The following TNRC18 variants were observed in gnomAD, a reference collection of about 807,000 sequenced individuals.
The protein encoded by TNRC18 is trinucleotide repeat-containing gene 18 protein.
In TNRC18, 69 loss-of-function variants were observed where a neutral mutation model predicts 226.7. The observed-to-expected ratio is 0.30, with a 90% confidence interval of 0.25 to 0.37. The LOEUF is 0.37. Ranked by LOEUF, TNRC18 falls within the 10% of genes least tolerant of loss-of-function variation. The probability of loss-of-function intolerance (pLI) is 1.00; values close to 1 mark genes in which losing one functional copy is unlikely to be tolerated. For missense variants in TNRC18, 4,754 were observed against 4,256.6 expected (o/e 1.12, Z -3.25); for synonymous variants, 2,449 against 1,927.6 (o/e 1.27, Z -7.09).
Position 5,320,434 on chromosome 7 carries a change from G to A in TNRC18, c.6637-8C>T, listed in dbSNP as rs756037628. 4 of 1,561,708 alleles carry A rather than the reference G, an allele frequency of 2.6e-6. No individual in the cohort carries two copies. In the African/African-American group the frequency reaches 5.4e-5, roughly 21 times the overall value. On this transcript the variant is annotated splice_polypyrimidine_tract_variant and splice_region_variant and intron_variant, in intron 23 of 29. Transcript: ENST00000430969. ...TGGCCTCACATCGATGATCTAGAAG[G>A]GCATGGGATGAGTGCAAGGTGTGGA... is the stretch of plus-strand genomic sequence containing the variant.
chr7:5,358,717 G>T (rs112006977), intron 15 of TNRC18, among the ~76,000 whole-genome samples: 14,020 of 152,272 alleles, frequency 0.092, 826 homozygotes, highest in South Asian at 0.14. Flanking sequence ...GGGAGGCTGA[G>T]GCAGGAGAAT....
intron 8 of TNRC18, among the ~76,000 whole-genome samples, chr7:5,376,493 G>A (rs1433160264): frequency 1.3e-5 from 2 of 152,194 alleles, no homozygotes; most frequent in African/African-American, 4.8e-5. Context: ...TCAGCACGCA[G>A]ACACGTACGA....
chr7:5,377,104 C>T lies in TNRC18; in HGVS notation c.2462-111G>A. 1 of 1,448,876 alleles carries T rather than the reference C, an allele frequency of 6.9e-7. No homozygotes were observed. The highest frequency in any genetic ancestry group is 9.2e-7 in the Non-Finnish European group (1 of 1,082,592). The allele number at this position is 1,448,876 out of a possible 1,614,324, so 89.8% of individuals were successfully genotyped here. ...CAAGTCCTGAACCTCCTGGGGCCTC[C>T]AGTGGGGAAGCCAAGGGACAGGGGT... On this transcript the variant is annotated intron_variant, in intron 7 of 29. Transcript: ENST00000430969. The surrounding 1 kb of genome is among the most constrained non-coding windows in gnomAD (Gnocchi z 5.8).
At chr7:5,326,921 G>A (rs1377078019) in intron 19 of TNRC18, among the ~76,000 whole-genome samples, 1 of 151,520 alleles carries the variant, frequency 6.6e-6, no homozygotes. Context: ...TCAGGAGATC[G>A]AGACCATCCT....
chr7:5,317,696 GA>G (rs1787989323), intron 24 of TNRC18, among the ~76,000 whole-genome samples: 1 of 136,216 alleles, frequency 7.3e-6, no homozygotes, highest in Non-Finnish European at 1.6e-5. Context: ...CAGAGAATAA[GA>G]AAGAACTCTT....
chr7:5,350,016 C>G (rs6463418), intron 17 of TNRC18, among the ~76,000 whole-genome samples: 61,874 of 151,826 alleles, frequency 0.41, 12,950 homozygotes, highest in African/African-American at 0.49. Flanking sequence ...AGGCCTAGGG[C>G]GCTGCCTGCT....
Position 5,377,283 on chromosome 7 carries a change from C to A in TNRC18, c.2461+88G>T. 7.4e-7 allele frequency: 1 copy of A among 1,355,616 alleles called. No homozygotes were observed. The highest frequency in any genetic ancestry group is 1.5e-5 in the African/African-American group (1 of 67,868). 84.0% of individuals were successfully genotyped at this position (1,355,616 alleles called of 1,614,324 possible). ...CCCAGGCCCCCCAGGAAACGGCAGG[C>A]AGGAGCCAGCCCTGAGCTCTTGTCC... On this transcript the variant is annotated intron_variant, in intron 7 of 29. Coordinates refer to ENST00000430969, the MANE Select transcript of TNRC18 (RefSeq NM_001080495.3). The surrounding 1 kb of genome is among the most constrained non-coding windows in gnomAD (Gnocchi z 5.8).
chr7:5,360,932 AC>A (rs35951524), intron 14 of TNRC18, among the ~76,000 whole-genome samples: 2 of 151,396 alleles, frequency 1.3e-5, no homozygotes, highest in African/African-American at 4.9e-5. Flanking sequence ...CCTAGCGTCT[AC>A]CCCACCCTCC....
rs1276587020 is a variant in TNRC18, at chr7:5,421,166, G to A, written c.81C>T (p.Ser27=). The change falls in exon 2 of 30, where the codon AGC becomes AGT. Residue 27 remains serine, a synonymous_variant. Coordinates refer to ENST00000430969, the MANE Select transcript of TNRC18 (RefSeq NM_001080495.3). ...PPLLSGLAMD[S]HRVGAATAGR... ...CGGCAGTGGCCGCGCCCACGCGGTG[G>A]CTGTCCATGGCCAGGCCGGACAGCA... The A allele has an allele frequency of 7.0e-7, 1 of 1,420,530 alleles. No homozygotes were observed. The highest frequency in any genetic ancestry group is 2.4e-4 in the Middle Eastern group (1 of 4,228). 88.0% of individuals were successfully genotyped at this position (1,420,530 alleles called of 1,614,324 possible). A position where few individuals can be genotyped will look rare whatever the true frequency, so the allele number is the denominator to read the frequency against.
chr7:5,401,690 G>A (rs997573102), intron 2 of TNRC18, among the ~76,000 whole-genome samples: 4 of 152,226 alleles, frequency 2.6e-5, no homozygotes, highest in South Asian at 2.1e-4. Context: ...AAAACAAGAC[G>A]TGGGCCACAT....
At chr7:5,420,892 T>G (rs1252013858) in intron 2 of TNRC18, 168 bp downstream of exon 2, 3 of 788,006 alleles carry the variant, frequency 3.8e-6, no homozygotes, top group Non-Finnish European at 6.0e-6. Context: ...TCCACCGCCT[T>G]GGCTCCGGGA....
Position 5,309,071 on chromosome 7 carries a change from C to T in TNRC18, c.8625+61G>A, listed in dbSNP as rs959773390. On this transcript the variant is annotated intron_variant, in intron 28 of 29. Coordinates refer to ENST00000430969, the MANE Select transcript of TNRC18 (RefSeq NM_001080495.3). The surrounding 1 kb of genome is among the most constrained non-coding windows in gnomAD (Gnocchi z 5.7). The stretch of plus-strand genomic sequence containing the variant: ...TGATGCTCCAGCACCCAGAACGCCT[C>T]GCCCTCAGGTCTGCCCTACACCGCC... The T allele has an allele frequency of 1.3e-5, 19 of 1,513,792 alleles. No homozygotes were observed. Among genetic ancestry groups the T allele is most frequent in the Middle Eastern group, 2.3e-4 (1 of 4,296 alleles). 93.8% of individuals were successfully genotyped at this position (1,513,792 alleles called of 1,614,324 possible).
In TNRC18 at chr7:5,362,724, G is replaced by A. The variant is rs775537445; in HGVS notation, c.4321C>T (p.Leu1441Phe). Reference sequence around the variant, plus strand: ...TCCCGCGGGAGCCGCAGGTTCTTGAGTGGGTCCACCACGGGCCCATCCAGC... The same window carrying A: ...TCCCGCGGGAGCCGCAGGTTCTTGAATGGGTCCACCACGGGCCCATCCAGC... ...EVLDGPVVDP[L>F]KNLRLPRELK... is the part of the protein sequence containing the mutation. The change falls in exon 12 of 30, where the codon CTC becomes TTC. Residue 1441 changes from leucine to phenylalanine, a missense_variant. Transcript: ENST00000430969. 15 of 1,578,222 alleles carry A rather than the reference G, an allele frequency of 9.5e-6. No homozygotes were observed. Among genetic ancestry groups the A allele is most frequent in the Non-Finnish European group, 1.2e-5 (14 of 1,162,626 alleles).
chr7:5,409,266 T>C (rs1781685882), intron 2 of TNRC18, among the ~76,000 whole-genome samples: 1 of 151,058 alleles, frequency 6.6e-6, no homozygotes, highest in South Asian at 2.1e-4. Context: ...AGACAATGCA[T>C]GAAAGAAGAA....
At chr7:5,380,410 T>A (rs972550766) in intron 5 of TNRC18, among the ~76,000 whole-genome samples, 17 of 152,308 alleles carry the variant, frequency 1.1e-4, no homozygotes, top group Admixed American at 1.0e-3. Flanking sequence ...TACACCACCA[T>A]ACTCCAGCCT....
At chr7:5,393,071 C>T (rs905678306) in intron 3 of TNRC18, among the ~76,000 whole-genome samples, 33 of 152,226 alleles carry the variant, frequency 2.2e-4, no homozygotes, top group African/African-American at 7.7e-4. Context: ...CTGAAGTGAG[C>T]TGAGTGTGCA....
Position 5,388,938 on chromosome 7 carries a change from G to C in TNRC18, c.886C>G (p.Leu296Val), listed in dbSNP as rs1192716326. 1 of 1,384,264 alleles carries C rather than the reference G, an allele frequency of 7.2e-7. No individual in the cohort carries two copies. Among genetic ancestry groups the C allele is most frequent in the African/African-American group, 1.6e-5 (1 of 63,818 alleles). The allele number at this position is 1,384,264 out of a possible 1,614,324, so 85.7% of individuals were successfully genotyped here. Reference sequence around the variant, plus strand: ...CCCCCGCGCCCCGCTTCGGCCACCAGCGCGGGCAGCCCCACGTCCCCGGCG... The same window carrying C: ...CCCCCGCGCCCCGCTTCGGCCACCACCGCGGGCAGCCCCACGTCCCCGGCG... ...GGAGDVGLPA[L>V]VAEAGRGGAK... Residue 296 changes from leucine to valine, a missense_variant, in exon 5 of 30, where the codon CTG becomes GTG. Physicochemically the swap from Leu to Val is conservative, Grantham distance 32. Coordinates refer to ENST00000430969, the MANE Select transcript of TNRC18 (RefSeq NM_001080495.3).
rs191583420 is a variant in TNRC18, at chr7:5,390,785, C to A, written c.344-157G>T. On this transcript the variant is annotated intron_variant, in intron 3 of 29. Transcript: ENST00000430969. ...CTCCTCAGGGCAATGCATTCTCCTG[C>A]TCCCCAACCCTGGGTCTCTCTCCAG... Among the ~76,000 whole-genome samples the A allele has an allele frequency of 7.2e-3, 1,097 of 152,190 alleles. 13 individuals are homozygous for A. Among genetic ancestry groups the A allele is most frequent in the South Asian group, 0.027 (128 of 4,814 alleles).
intron 4 of TNRC18, 22 bp from the exon 5 acceptor site, chr7:5,389,358 G>A: frequency 2.4e-6 from 3 of 1,251,170 alleles, no homozygotes; most frequent in Non-Finnish European, 3.0e-6. Context: ...GGAACAGCAG[G>A]CAGTGAGCGA....
Sources: allele counts gnomAD v4.1 joint callset (sites outside exome capture counted in the v4.1 genomes callset), GRCh38; gene constraint gnomAD v4.1.1; non-coding constraint Gnocchi (gnomAD v3.1); transcripts MANE v1.5; gene names NCBI Gene and HGNC (gene_info 2026-07-23, HGNC 2026-07-21).